Variants in NXPH1 observed in about 807,000 individuals in gnomAD.
The protein encoded by NXPH1 is neurexophilin-1.
In NXPH1, 5 loss-of-function variants were observed where a neutral mutation model predicts 23.7. That is an observed-to-expected ratio of 0.21 (90% CI 0.11 to 0.44). The LOEUF is 0.44. Ranked by LOEUF, NXPH1 falls within the 20% of genes least tolerant of loss-of-function variation. NXPH1 has a pLI of 0.99. For missense variants in NXPH1, 324 were observed against 321.6 expected (o/e 1.01, Z -0.06); for synonymous variants, 144 against 122.2 (o/e 1.18, Z -1.18).
At chr7:8,620,438 A>G (rs1819842131) in intron 2 of NXPH1, among the ~76,000 whole-genome samples, 1 of 152,136 alleles carries the variant, frequency 6.6e-6, no homozygotes, top group African/African-American at 2.4e-5. Context: ...TGTCATGGTG[A>G]TTAGTTCAAG....
At chr7:8,668,829 G>A (rs1820821894) in intron 2 of NXPH1, among the ~76,000 whole-genome samples, 1 of 151,648 alleles carries the variant, frequency 6.6e-6, no homozygotes, top group Non-Finnish European at 1.5e-5. Context: ...GGTCTGCAGG[G>A]GTTCATGAGG....
intron 2 of NXPH1, among the ~76,000 whole-genome samples, chr7:8,695,833 C>A (rs1285260799): frequency 6.6e-6 from 1 of 152,162 alleles, no homozygotes; most frequent in African/African-American, 2.4e-5. Flanking sequence ...GTGAAATTTT[C>A]TAACTGAGAT....
At chr7:8,683,128 T>C (rs1475596433) in intron 2 of NXPH1, among the ~76,000 whole-genome samples, 1 of 152,242 alleles carries the variant, frequency 6.6e-6, no homozygotes, top group South Asian at 2.1e-4. Flanking sequence ...AAGAAGCTTT[T>C]ATCCAGGTCG....
intron 2 of NXPH1, among the ~76,000 whole-genome samples, chr7:8,644,595 G>A (rs1820366449): frequency 6.6e-6 from 1 of 151,594 alleles, no homozygotes; most frequent in African/African-American, 2.4e-5. Flanking sequence ...AGCCATATTG[G>A]GATTTCAGAA....
intron 2 of NXPH1, among the ~76,000 whole-genome samples, chr7:8,692,206 A>T (rs185182961): frequency 6.6e-6 from 1 of 152,212 alleles, no homozygotes; most frequent in African/African-American, 2.4e-5. Context: ...CTGGAATATA[A>T]TTGAAGTGTG....
intron 2 of NXPH1, among the ~76,000 whole-genome samples, chr7:8,493,627 AC>A (rs1245224917): frequency 2.6e-5 from 4 of 152,062 alleles, no homozygotes; most frequent in African/African-American, 9.7e-5. Flanking sequence ...ATGTCCACTT[AC>A]GGGATTAGAA....
At chr7:8,496,215 C>G (rs138434211) in intron 2 of NXPH1, among the ~76,000 whole-genome samples, 1 of 152,100 alleles carries the variant, frequency 6.6e-6, no homozygotes, top group African/African-American at 2.4e-5. Flanking sequence ...TTCTTTACCC[C>G]TTACCTCTCT....
chr7:8,593,878 A>G (rs994057818), intron 2 of NXPH1, among the ~76,000 whole-genome samples: 5 of 152,116 alleles, frequency 3.3e-5, no homozygotes, highest in African/African-American at 1.2e-4. Flanking sequence ...TTTGGTAAAA[A>G]TATATTTAAA....
intron 2 of NXPH1, among the ~76,000 whole-genome samples, chr7:8,675,612 A>G (rs1820939469): frequency 6.6e-6 from 1 of 152,164 alleles, no homozygotes; most frequent in Admixed American, 6.6e-5. Context: ...GCATTCATAG[A>G]CAACTTCCGT....
intron 2 of NXPH1, among the ~76,000 whole-genome samples, chr7:8,694,085 C>T (rs1172511973): frequency 1.3e-5 from 2 of 152,106 alleles, no homozygotes; most frequent in Non-Finnish European, 2.9e-5. Context: ...TGAACGAATC[C>T]ACTGGCAAGC....
In NXPH1 at chr7:8,571,018, T is replaced by TATCTA. The variant is rs35589510; in HGVS notation, c.54+135308_54+135312dup. Among the ~76,000 whole-genome samples the TATCTA allele has an allele frequency of 7.7e-3, 1,118 of 145,954 alleles. 7 individuals are homozygous for TATCTA. Among genetic ancestry groups the TATCTA allele is most frequent in the Non-Finnish European group, 0.012 (802 of 66,132 alleles). On this transcript the variant is annotated intron_variant, in intron 2 of 2. Transcript: ENST00000405863. The stretch of plus-strand genomic sequence containing the variant: ...ATATATGTCTGTCTATCTGTCTGTC[T>TATCTA]ATCTAATCTAATCTAATCTAATCTA...
At chr7:8,440,100 C>G (rs1262452365) in intron 2 of NXPH1, among the ~76,000 whole-genome samples, 2 of 152,184 alleles carry the variant, frequency 1.3e-5, no homozygotes, top group East Asian at 3.8e-4. Flanking sequence ...TAGATACATA[C>G]GGGATTCAGA....
At chr7:8,566,155 C>T (rs965556237) in intron 2 of NXPH1, among the ~76,000 whole-genome samples, 10 of 151,902 alleles carry the variant, frequency 6.6e-5, no homozygotes, top group South Asian at 6.2e-4. Flanking sequence ...CACAGAGGCT[C>T]GAGCAAAGGA....
chr7:8,736,239 C>G (rs1212665632), intron 2 of NXPH1, among the ~76,000 whole-genome samples: 3 of 152,294 alleles, frequency 2.0e-5, no homozygotes, highest in South Asian at 2.1e-4. Flanking sequence ...GATTTTAGAT[C>G]TTTCCTCCTT....
intron 2 of NXPH1, among the ~76,000 whole-genome samples, chr7:8,467,576 G>C (rs1016346389): frequency 6.6e-6 from 1 of 152,136 alleles, no homozygotes; most frequent in African/African-American, 2.4e-5. Context: ...TAAGTTAAGT[G>C]AGGGATATAT....
intron 2 of NXPH1, among the ~76,000 whole-genome samples, chr7:8,639,420 C>G (rs1820271214): frequency 1.3e-5 from 2 of 151,930 alleles, no homozygotes; most frequent in Non-Finnish European, 1.5e-5. Flanking sequence ...CCACATTGTC[C>G]TCTAAAAGAG....
At chr7:8,443,529 CAGGCGCCTTCCAGGCTA>C (rs1054674286) in intron 2 of NXPH1, among the ~76,000 whole-genome samples, 1 of 152,266 alleles carries the variant, frequency 6.6e-6, no homozygotes, top group African/African-American at 2.4e-5. Flanking sequence ...TGGAGCCACC[CAGGCGCCTTCCAGGCTA>C]AGGCGCCTTT....
chr7:8,488,464 C>T lies in NXPH1; in HGVS notation c.54+52697C>T, dbSNP rs182474902. Among the ~76,000 whole-genome samples, 545 of 152,206 alleles carry T rather than the reference C, an allele frequency of 3.6e-3. 2 individuals carry two copies. The highest frequency in any genetic ancestry group is 6.3e-3 in the Non-Finnish European group (429 of 68,010). ...AAGTGATTTTCCCAGAAGCATAAAG[C>T]TAATCTTATAGAAATCAAAATGACT... On this transcript the variant is annotated intron_variant, in intron 2 of 2. Transcript: ENST00000405863.
intron 2 of NXPH1, among the ~76,000 whole-genome samples, chr7:8,437,708 C>CTCTAA (rs1288043476): frequency 6.6e-6 from 1 of 152,254 alleles, no homozygotes; most frequent in Non-Finnish European, 1.5e-5. Context: ...TTCTAATGCG[C>CTCTAA]TGCGTTCTCA....
Sources: allele counts gnomAD v4.1 joint callset (sites outside exome capture counted in the v4.1 genomes callset), GRCh38; gene constraint gnomAD v4.1.1; transcripts MANE v1.5; gene names NCBI Gene and HGNC (gene_info 2026-07-23, HGNC 2026-07-21).